Variants in RNF150 observed in about 807,000 individuals in gnomAD.
RNF150 encodes the protein ring finger protein 150.
Under a neutral mutation model 39.3 loss-of-function variants are expected in RNF150, and 24 were observed. The ratio of observed to expected loss-of-function variants is 0.61; its 90% CI spans 0.44 to 0.86. RNF150 has a LOEUF of 0.86. Among genes scored for constraint, RNF150 ranks in the 40% least tolerant of loss-of-function variants. The pLI is 0.00. For synonymous variants in RNF150, 255 were observed against 227.3 expected (o/e 1.12, Z -1.10); for missense variants, 502 against 587.8 (o/e 0.85, Z 1.51).
At chr4:141,074,407 C>T (rs1806476) in intron 1 of RNF150, among the ~76,000 whole-genome samples, 114,153 of 151,210 alleles carry the variant, frequency 0.75, 44,612 homozygotes, top group Non-Finnish European at 0.87. Context: ...TGATGCCTGT[C>T]TCAGTCTGGG....
intron 1 of RNF150, among the ~76,000 whole-genome samples, chr4:141,200,253 G>T (rs1468303011): frequency 6.6e-6 from 1 of 152,118 alleles, no homozygotes; most frequent in African/African-American, 2.4e-5. Flanking sequence ...TTCTCATATA[G>T]TGGAAAAGGT....
At chr4:140,920,648 T>A (rs12641448) in intron 5 of RNF150, among the ~76,000 whole-genome samples, 80,209 of 147,158 alleles carry the variant, frequency 0.55, 22,349 homozygotes, top group East Asian at 0.89. Flanking sequence ...AGGGATCTAG[T>A]ACTAGAAATA....
intron 1 of RNF150, among the ~76,000 whole-genome samples, chr4:141,159,548 G>A (rs1386168677): frequency 6.6e-6 from 1 of 151,706 alleles, no homozygotes; most frequent in Non-Finnish European, 1.5e-5. Context: ...GTTGTTTTTT[G>A]TTTTTTGTTT....
chr4:140,936,174 G>T (rs936985728), intron 4 of RNF150, among the ~76,000 whole-genome samples: 2 of 152,120 alleles, frequency 1.3e-5, no homozygotes, highest in Non-Finnish European at 2.9e-5. Flanking sequence ...TTTGTTTGCA[G>T]ATTTTCCATT....
rs57532703 is a variant in RNF150 at position 141,144,611 on chromosome 4, A to G, written c.-6+68183T>C. ...AGGAGCATGAATGCTCTTAGACTTC[A>G]GAAACTTTAGGAACAAAAACGACTC... is the stretch of plus-strand genomic sequence containing the variant. On this transcript the variant is annotated intron_variant, in intron 1 of 7. Transcript: ENST00000420921. Among the ~76,000 whole-genome samples, 1,509 of 152,082 alleles carry G rather than the reference A, an allele frequency of 9.9e-3. 28 individuals carry two copies. Among genetic ancestry groups the G allele is most frequent in the African/African-American group, 0.034 (1,420 of 41,544 alleles).
chr4:140,929,245 C>T (rs1041918491), intron 4 of RNF150, among the ~76,000 whole-genome samples: 5 of 151,520 alleles, frequency 3.3e-5, no homozygotes, highest in South Asian at 4.2e-4. Context: ...AATACTACAG[C>T]GGAAAAGCCT....
Position 141,144,403 on chromosome 4 carries a change from T to C in RNF150, c.-6+68391A>G, listed in dbSNP as rs367675630. ...GACTGTGTTTTGTTGAATTAGTCTT[T>C]AATTTGGCAATTGTCAAACTCTATT... On this transcript the variant is annotated intron_variant, in intron 1 of 7. Transcript: ENST00000420921. Among the ~76,000 whole-genome samples, 3 of 152,342 alleles carry C rather than the reference T, an allele frequency of 2.0e-5. No homozygotes were observed. In the East Asian group the frequency reaches 5.8e-4, roughly 29 times the overall value.
chr4:140,977,428 A>G (rs1017878033), intron 1 of RNF150, among the ~76,000 whole-genome samples: 13 of 152,148 alleles, frequency 8.5e-5, no homozygotes, highest in African/African-American at 2.9e-4. Context: ...CTTTCAATCC[A>G]TGAGACGAAA....
intron 4 of RNF150, among the ~76,000 whole-genome samples, chr4:140,927,924 C>CGTAA (rs1731462431): frequency 6.6e-6 from 1 of 151,966 alleles, no homozygotes; most frequent in Non-Finnish European, 1.5e-5. Context: ...GCTGGGATTA[C>CGTAA]AGGCATGAGC....
chr4:141,137,408 G>A (rs757761047), upstream of RNF150, among the ~76,000 whole-genome samples: 1 of 152,192 alleles, frequency 6.6e-6, no homozygotes, highest in Non-Finnish European at 1.5e-5. Flanking sequence ...ATGGTGAGAA[G>A]TGATTCGATC....
At chr4:141,008,495 A>T (rs1734951300) in intron 1 of RNF150, among the ~76,000 whole-genome samples, 1 of 152,172 alleles carries the variant, frequency 6.6e-6, no homozygotes, top group African/African-American at 2.4e-5. Flanking sequence ...GTTTATCCTA[A>T]GGTTACAAAA....
chr4:140,991,181 T>G (rs1411609721), intron 1 of RNF150, among the ~76,000 whole-genome samples: 1 of 152,216 alleles, frequency 6.6e-6, no homozygotes, highest in Non-Finnish European at 1.5e-5. Context: ...TTGCCCACTT[T>G]TTAATGGGGT....
chr4:141,000,393 A>G (rs1405261208), intron 1 of RNF150, among the ~76,000 whole-genome samples: 3 of 152,184 alleles, frequency 2.0e-5, no homozygotes, highest in Non-Finnish European at 1.5e-5. Flanking sequence ...TCCTCAGTAA[A>G]GTTTTTAATC....
intron 6 of RNF150, among the ~76,000 whole-genome samples, chr4:140,906,320 C>A (rs888012575): frequency 4.8e-4 from 73 of 151,710 alleles, no homozygotes; most frequent in Non-Finnish European, 4.0e-4. Flanking sequence ...GAAAAAAAAA[C>A]CCAACAAAAA....
At position 140,965,181 on chromosome 4, in the gene RNF150, C is replaced by T. The variant is rs1733189064; in HGVS notation, c.735+2442G>A. Among the ~76,000 whole-genome samples, 3 of 152,190 alleles carry T rather than the reference C, an allele frequency of 2.0e-5. No homozygotes were observed. The South Asian group carries it at 6.2e-4, about 32-fold the overall frequency. ...TTATGGAATGGAAATGCTAAAACCA[C>T]TATGAGATCACACCTCACACCTGTT... On this transcript the variant is annotated intron_variant, in intron 2 of 6. Coordinates refer to ENST00000515673, the MANE Select transcript of RNF150 (RefSeq NM_020724.2).
chr4:140,870,110 C>T (rs1032041298), intron 6 of RNF150, among the ~76,000 whole-genome samples: 4 of 151,958 alleles, frequency 2.6e-5, no homozygotes, highest in Non-Finnish European at 5.9e-5. Context: ...TTCAAGGAGA[C>T]AAATAAGAGA....
intron 1 of RNF150, among the ~76,000 whole-genome samples, chr4:141,000,364 C>T (rs73858695): frequency 0.076 from 11,541 of 152,152 alleles, 498 homozygotes; most frequent in Middle Eastern, 0.16. Context: ...TTTCTTGGGT[C>T]GGTATGTATA....
At position 140,992,076 on chromosome 4, in the gene RNF150, A is replaced by G. The variant is rs114987715; in HGVS notation, c.485-24203T>C. On this transcript the variant is annotated intron_variant, in intron 1 of 6. Transcript: ENST00000515673. Reference sequence around the variant, plus strand: ...AAAAAGAATATGGAGTAACATACTAACCTGAGTTGTCTTTATATAAAACTT... The same window carrying G: ...AAAAAGAATATGGAGTAACATACTAGCCTGAGTTGTCTTTATATAAAACTT... Among the ~76,000 whole-genome samples, 925 of 152,282 alleles carry G rather than the reference A, an allele frequency of 6.1e-3. 8 individuals carry two copies. The highest frequency in any genetic ancestry group is 0.021 in the African/African-American group (873 of 41,552).
chr4:140,862,435 G>A lies in RNF150; in HGVS notation c.*5826C>T, dbSNP rs566463096. The A allele has an allele frequency of 1.3e-5, 2 of 152,108 alleles. No homozygotes were observed. The highest frequency in any genetic ancestry group is 4.8e-5 in the African/African-American group (2 of 41,372). 9.4% of individuals were successfully genotyped at this position (152,108 alleles called of 1,614,324 possible). A position where few individuals can be genotyped will look rare whatever the true frequency, so the allele number is the denominator to read the frequency against. On this transcript the variant is annotated 3_prime_UTR_variant, in exon 7 of 7. Coordinates refer to ENST00000515673, the MANE Select transcript of RNF150 (RefSeq NM_020724.2). ...AGAGAGATGTGACTGACCTTAGCAGGTTCTTGTAGAACAAGCAGGATTGCA... is the reference window on the plus strand; with the variant it reads ...AGAGAGATGTGACTGACCTTAGCAGATTCTTGTAGAACAAGCAGGATTGCA...
Sources: gnomAD v4.1 joint callset for allele counts (sites outside exome capture counted in the v4.1 genomes callset) on GRCh38, gnomAD v4.1.1 for gene constraint, MANE v1.5 for transcripts, NCBI Gene and HGNC (gene_info 2026-07-23, HGNC 2026-07-21) for gene names.